IL26: variants seen among roughly 807,000 people sequenced by gnomAD.
IL26 encodes interleukin 26, also known as interleukin-26.
A neutral mutation model predicts 21.7 loss-of-function variants in IL26; 23 were observed. That is an observed-to-expected ratio of 1.06 (90% confidence interval 0.76 to 1.50). The LOEUF (loss-of-function observed/expected upper bound fraction) is 1.50. Ranked by LOEUF, IL26 falls within the 40% of genes most tolerant of loss-of-function variation. The probability of loss-of-function intolerance (pLI) is 0.00; values close to 1 mark genes in which losing one functional copy is unlikely to be tolerated. For synonymous variants in IL26, 63 were observed against 67.8 expected (o/e 0.93, Z 0.34); for missense variants, 204 against 196.0 (o/e 1.04, Z -0.24).
chr12:68,204,488 C>T (rs776451189), intron 3 of IL26, among the ~76,000 whole-genome samples: 2 of 152,064 alleles, frequency 1.3e-5, no homozygotes, highest in Non-Finnish European at 2.9e-5. Context: ...AAAGAACCAG[C>T]CACATTCTGG....
intron 3 of IL26, among the ~76,000 whole-genome samples, chr12:68,206,657 T>C (rs548608248): frequency 7.1e-4 from 108 of 152,362 alleles, no homozygotes; most frequent in African/African-American, 2.5e-3. Flanking sequence ...TAAACCTGAC[T>C]GCATTTGCAC....
intron 3 of IL26, among the ~76,000 whole-genome samples, chr12:68,224,301 T>C (rs1251332280): frequency 6.6e-6 from 1 of 151,210 alleles, no homozygotes; most frequent in African/African-American, 2.4e-5. Context: ...TTTTGTTTTG[T>C]TTTGTTTTGT....
intron 3 of IL26, among the ~76,000 whole-genome samples, chr12:68,213,237 C>A (rs923541414): frequency 6.6e-6 from 1 of 152,028 alleles, no homozygotes; most frequent in African/African-American, 2.4e-5. Context: ...CCAGCCTGAT[C>A]TGGTGAATGA....
chr12:68,215,961 G>A (rs1868865610), intron 3 of IL26, among the ~76,000 whole-genome samples: 1 of 150,896 alleles, frequency 6.6e-6, no homozygotes, highest in African/African-American at 2.4e-5. Flanking sequence ...TGGGATTACA[G>A]GCATGAGCCA....
At chr12:68,205,647 T>G (rs1868517963) in intron 3 of IL26, among the ~76,000 whole-genome samples, 1 of 152,044 alleles carries the variant, frequency 6.6e-6, no homozygotes, top group South Asian at 2.1e-4. Context: ...GTGGAGGAAG[T>G]GGAAGGGGAG....
chr12:68,205,809 T>C (rs530340715), intron 3 of IL26, among the ~76,000 whole-genome samples: 2 of 152,354 alleles, frequency 1.3e-5, no homozygotes, highest in South Asian at 2.1e-4. Context: ...GAAAAGTTCA[T>C]GTCATAAAAG....
chr12:68,224,370 G>A (rs571128885), intron 3 of IL26, among the ~76,000 whole-genome samples: 61 of 151,882 alleles, frequency 4.0e-4, no homozygotes, highest in Non-Finnish European at 7.5e-4. Context: ...ATTTTTCATA[G>A]AAATGTGATC....
At chr12:68,208,963 CA>C (rs1868625694) in intron 3 of IL26, among the ~76,000 whole-genome samples, 7 of 152,182 alleles carry the variant, frequency 4.6e-5, no homozygotes, top group Admixed American at 3.9e-4. Context: ...TCAGGGTCCA[CA>C]AGCCTACTTG....
At chr12:68,206,451 C>T (rs773413959) in intron 3 of IL26, among the ~76,000 whole-genome samples, 1 of 152,082 alleles carries the variant, frequency 6.6e-6, no homozygotes, top group Non-Finnish European at 1.5e-5. Context: ...ATCAAAAAAA[C>T]GTTAAAAGGC....
intron 3 of IL26, among the ~76,000 whole-genome samples, chr12:68,223,880 GGTGGTTT>G (rs1393057579): frequency 1.3e-5 from 1 of 75,986 alleles, no homozygotes; most frequent in Non-Finnish European, 2.7e-5. Flanking sequence ...ACTTAAATTT[GGTGGTTT>G]TTTTTTTTTT....
intron 3 of IL26, among the ~76,000 whole-genome samples, chr12:68,210,386 A>G (rs1176552251): frequency 1.0e-4 from 12 of 116,308 alleles, no homozygotes; most frequent in South Asian, 3.0e-4. Flanking sequence ...AAAAAAAAAC[A>G]GCACAAGCAC....
chr12:68,205,369 G>C (rs1360207012), intron 3 of IL26, among the ~76,000 whole-genome samples: 1 of 144,432 alleles, frequency 6.9e-6, no homozygotes, highest in Admixed American at 7.5e-5. Context: ...CAGTTGACCG[G>C]AAGCCTTATT....
intron 3 of IL26, among the ~76,000 whole-genome samples, chr12:68,204,045 G>C (rs185776607): frequency 6.6e-6 from 1 of 151,910 alleles, no homozygotes; most frequent in Non-Finnish European, 1.5e-5. Context: ...GTGCATCTGT[G>C]AATGCTCAGT....
At chr12:68,220,279 G>C (rs1051415577) in intron 3 of IL26, among the ~76,000 whole-genome samples, 16 of 152,224 alleles carry the variant, frequency 1.1e-4, no homozygotes, top group Admixed American at 9.2e-4. Context: ...TCTAACATAT[G>C]TAGATGCAAA....
At chr12:68,208,319 G>A (rs759490) in intron 3 of IL26, among the ~76,000 whole-genome samples, 41,367 of 151,994 alleles carry the variant, frequency 0.27, 7,028 homozygotes, top group Non-Finnish European at 0.39. Context: ...GCTGGAGAGC[G>A]CAGAGATAAT....
intron 3 of IL26, among the ~76,000 whole-genome samples, chr12:68,207,451 A>G (rs992501824): frequency 6.6e-6 from 1 of 152,258 alleles, no homozygotes; most frequent in Admixed American, 6.5e-5. Context: ...AACTGCTCAC[A>G]TGAAGATAAT....
intron 3 of IL26, among the ~76,000 whole-genome samples, chr12:68,219,487 C>T (rs1457962286): frequency 2.0e-5 from 3 of 151,576 alleles, no homozygotes; most frequent in Non-Finnish European, 4.4e-5. Context: ...AGCAAATAAA[C>T]ATGAAAGCAC....
intron 3 of IL26, among the ~76,000 whole-genome samples, chr12:68,213,592 A>G (rs1469854971): frequency 6.6e-6 from 1 of 152,048 alleles, no homozygotes; most frequent in Non-Finnish European, 1.5e-5. Flanking sequence ...TCATGGCTTA[A>G]TCTTGATAGG....
Position 68,225,502 on chromosome 12 carries a change from T to C in IL26, c.172-2A>G. 1.3e-6 allele frequency: 2 copies of C among 1,597,728 alleles called. No homozygotes were observed. Among genetic ancestry groups the C allele is most frequent in the Non-Finnish European group, 1.7e-6 (2 of 1,166,112 alleles). Reference sequence around the variant, plus strand: ...TCGTATATTTTTTATGCGGTCTTCCTACAATAATACAAAGAGAAATAAGTT... The same window carrying C: ...TCGTATATTTTTTATGCGGTCTTCCCACAATAATACAAAGAGAAATAAGTT... On this transcript the variant is annotated splice_acceptor_variant, in intron 1 of 4. Transcript: ENST00000229134. LOFTEE classifies it high-confidence loss of function.
Sources: allele counts gnomAD v4.1 joint callset (sites outside exome capture counted in the v4.1 genomes callset), GRCh38; gene constraint gnomAD v4.1.1; transcripts MANE v1.5; gene names NCBI Gene and HGNC (gene_info 2026-07-23, HGNC 2026-07-21).